VPS13B: variants seen among roughly 807,000 people sequenced by gnomAD.
VPS13B encodes the protein intermembrane lipid transfer protein VPS13B.
VPS13B carries 285 observed loss-of-function variants against 426.4 expected under a neutral mutation model. The ratio of observed to expected loss-of-function variants is 0.67; its 90% CI spans 0.61 to 0.74. VPS13B has a LOEUF of 0.74. VPS13B is among the 30% of genes least tolerant of loss of function. The pLI is 0.00. For synonymous variants in VPS13B, 1,676 were observed against 1,676.4 expected, an observed-to-expected ratio of 1.00 and a Z score of 0.01; for missense variants, 4,537 against 4,782.6, an observed-to-expected ratio of 0.95 and a Z score of 1.51.
chr8:99,151,093 G>C lies in VPS13B; in HGVS notation c.2013+3083G>C, dbSNP rs1415954971. Reference sequence around the variant, plus strand: ...TTGCCATTCTAAGACATGTGTAATGGTGTCTTATTGTTTTGATTTTTTATT... The same window carrying C: ...TTGCCATTCTAAGACATGTGTAATGCTGTCTTATTGTTTTGATTTTTTATT... On this transcript the variant is annotated intron_variant, in intron 14 of 61. Transcript: ENST00000357162. 1.8e-4 allele frequency among the ~76,000 whole-genome samples: 27 copies of C among 148,770 alleles called. No individual in the cohort carries two copies. The Admixed American group carries it at 1.9e-3, about 11-fold the overall frequency.
chr8:99,266,142 A>G (rs1055501048), intron 17 of VPS13B, among the ~76,000 whole-genome samples: 1 of 152,136 alleles, frequency 6.6e-6, no homozygotes, highest in South Asian at 2.1e-4. Context: ...AACACTAGAA[A>G]GTTGACACTG....
chr8:99,060,284 T>C (rs1241999004), intron 3 of VPS13B, among the ~76,000 whole-genome samples: 3 of 152,066 alleles, frequency 2.0e-5, no homozygotes, highest in Non-Finnish European at 4.4e-5. Flanking sequence ...TTGGGAGATA[T>C]AGTGTGTTAT....
chr8:99,865,133 G>A (rs762042188), intron 58 of VPS13B, among the ~76,000 whole-genome samples: 32 of 152,286 alleles, frequency 2.1e-4, no homozygotes, highest in Non-Finnish European at 4.1e-4. Context: ...CTCCATGACA[G>A]TTTTCCAAGA....
At chr8:99,660,444 C>G (rs1830178368) in intron 34 of VPS13B, among the ~76,000 whole-genome samples, 1 of 152,076 alleles carries the variant, frequency 6.6e-6, no homozygotes, top group Non-Finnish European at 1.5e-5. Context: ...TAGATGGACT[C>G]TATGGCAAGA....
At chr8:99,184,454 A>C (rs1277769360) in intron 16 of VPS13B, among the ~76,000 whole-genome samples, 2 of 151,960 alleles carry the variant, frequency 1.3e-5, no homozygotes, top group Non-Finnish European at 2.9e-5. Context: ...ATAAGAATTC[A>C]TTTTTGTTTG....
At chr8:99,579,904 G>A (rs960927044) in intron 33 of VPS13B, among the ~76,000 whole-genome samples, 33 of 151,542 alleles carry the variant, frequency 2.2e-4, no homozygotes, top group African/African-American at 7.7e-4. Flanking sequence ...CACAATGTCA[G>A]CCAGGCTTGT....
intron 19 of VPS13B, among the ~76,000 whole-genome samples, chr8:99,358,749 T>A (rs1292464008): frequency 6.6e-6 from 1 of 152,328 alleles, no homozygotes; most frequent in Admixed American, 6.5e-5. Context: ...GTGTCTGCTG[T>A]ACCCTGCCTT....
At chr8:99,341,609 TTCATGCTG>T (rs1467513704) in intron 19 of VPS13B, 1 of 190,928 alleles carries the variant, frequency 5.2e-6, no homozygotes, top group African/African-American at 2.4e-5. Context: ...TTCTTGCCAA[TTCATGCTG>T]TCATCCTTGA....
intron 30 of VPS13B, among the ~76,000 whole-genome samples, chr8:99,551,385 G>C (rs535615538): frequency 6.6e-6 from 1 of 152,008 alleles, no homozygotes; most frequent in South Asian, 2.1e-4. Context: ...AAAGTTTTAG[G>C]TGTGCCTCAT....
intron 30 of VPS13B, among the ~76,000 whole-genome samples, chr8:99,539,903 T>TTA (rs774288492): frequency 7.3e-4 from 105 of 144,352 alleles, no homozygotes; most frequent in East Asian, 7.9e-4. Context: ...CTATAAGCAT[T>TTA]TATATATATA....
chr8:99,344,714 T>C (rs1330529805), intron 19 of VPS13B, among the ~76,000 whole-genome samples: 1 of 152,110 alleles, frequency 6.6e-6, no homozygotes, highest in Non-Finnish European at 1.5e-5. Flanking sequence ...CAGATGTTCC[T>C]CTTTTTTTTT....
chr8:99,031,934 T>C (rs1457930486), intron 2 of VPS13B, among the ~76,000 whole-genome samples: 2 of 152,262 alleles, frequency 1.3e-5, no homozygotes, highest in Non-Finnish European at 2.9e-5. Context: ...TCCTGAGGAA[T>C]TCAGTGGATC....
intron 30 of VPS13B, among the ~76,000 whole-genome samples, chr8:99,531,032 GTTA>G (rs1822907862): frequency 6.6e-6 from 1 of 152,084 alleles, no homozygotes; most frequent in Non-Finnish European, 1.5e-5. Flanking sequence ...ATTAAATTTT[GTTA>G]TTATTTAAAT....
intron 33 of VPS13B, among the ~76,000 whole-genome samples, chr8:99,626,302 T>C (rs1828610617): frequency 6.6e-6 from 1 of 152,218 alleles, no homozygotes. Flanking sequence ...GGATGAGCCC[T>C]GTAAACATTG....
At chr8:99,414,021 A>G (rs939162144) in intron 21 of VPS13B, among the ~76,000 whole-genome samples, 4 of 152,268 alleles carry the variant, frequency 2.6e-5, no homozygotes, top group African/African-American at 7.2e-5. Context: ...AACATTGACA[A>G]TGGGGTGTTA....
At chr8:99,484,613 C>T (rs1270945300) in intron 25 of VPS13B, among the ~76,000 whole-genome samples, 2 of 152,050 alleles carry the variant, frequency 1.3e-5, no homozygotes, top group African/African-American at 4.8e-5. Flanking sequence ...ACTATGTTTT[C>T]TTATGTCATC....
chr8:99,644,645 G>A (rs1191426038), intron 34 of VPS13B, among the ~76,000 whole-genome samples: 3 of 148,038 alleles, frequency 2.0e-5, no homozygotes, highest in African/African-American at 5.0e-5. Flanking sequence ...TCTCATGGAT[G>A]CCTTTCCCTA....
intron 30 of VPS13B, among the ~76,000 whole-genome samples, chr8:99,554,156 T>G (rs934815794): frequency 1.3e-5 from 2 of 152,136 alleles, no homozygotes; most frequent in African/African-American, 4.8e-5. Flanking sequence ...GGAAATCGGT[T>G]GTTTACATTG....
chr8:99,873,869 C>T (rs916089336), intron 61 of VPS13B, among the ~76,000 whole-genome samples: 1 of 152,138 alleles, frequency 6.6e-6, no homozygotes, highest in Non-Finnish European at 1.5e-5. Flanking sequence ...CATGAGGAAG[C>T]CTGTCTGCCG....
Sources: allele counts gnomAD v4.1 joint callset (sites outside exome capture counted in the v4.1 genomes callset), GRCh38; gene constraint gnomAD v4.1.1; transcripts MANE v1.5; gene names NCBI Gene and HGNC (gene_info 2026-07-23, HGNC 2026-07-21).